The following TNKS variants were observed in gnomAD, a reference collection of about 807,000 sequenced individuals.
The protein encoded by TNKS is tankyrase, also known as poly [ADP-ribose] polymerase tankyrase-1.
TNKS carries 72 observed loss-of-function variants against 135.8 expected under a neutral mutation model. The ratio of observed to expected loss-of-function variants is 0.53; its 90% CI spans 0.44 to 0.64. The LOEUF (loss-of-function observed/expected upper bound fraction) is 0.64, where lower values mean the gene tolerates loss of function less well. TNKS is among the 30% of genes least tolerant of loss of function. TNKS has a pLI of 0.00. For synonymous variants in TNKS, 849 were observed against 649.3 expected (o/e 1.31, Z -4.68); for missense variants, 1,769 against 1,674.0 (o/e 1.06, Z -0.99).
intron 3 of TNKS, among the ~76,000 whole-genome samples, chr8:9,622,416 C>G (rs11784181): frequency 6.6e-6 from 1 of 152,032 alleles, no homozygotes; most frequent in East Asian, 1.9e-4. Context: ...TTCAAGGGCG[C>G]TGAATCCTCA....
chr8:9,772,444 G>C, intron 26 of TNKS: 1 of 453,642 alleles, frequency 2.2e-6, no homozygotes, highest in Non-Finnish European at 4.4e-6. Flanking sequence ...TCAAAATGAG[G>C]AATGTTTTAC....
Position 9,776,811 on chromosome 8 carries a change from C to T in TNKS, c.*75C>T, listed in dbSNP as rs1808247006. On this transcript the variant is annotated 3_prime_UTR_variant, in exon 27 of 27. Transcript: ENST00000310430. ...TACAGAGGATTGTTTCTAATAACAACATCAATATTCTAGAAGTCCCTGACA... is the reference window on the plus strand; with the variant it reads ...TACAGAGGATTGTTTCTAATAACAATATCAATATTCTAGAAGTCCCTGACA... The T allele has an allele frequency of 1.4e-6, 2 of 1,401,092 alleles. No homozygotes were observed. The highest frequency in any genetic ancestry group is 2.3e-5 in the East Asian group (1 of 43,572). 86.8% of individuals were successfully genotyped at this position (1,401,092 alleles called of 1,614,324 possible).
In TNKS at chr8:9,676,127, C is replaced by G. The variant is rs575984457; in HGVS notation, c.995-3824C>G. On this transcript the variant is annotated intron_variant, in intron 3 of 26. Transcript: ENST00000310430. ...TCCCGGATTCAAGAGATTCTCCTGCCTCAGCCTCCTGAGTAGCTGGAATTA... is the reference window on the plus strand; with the variant it reads ...TCCCGGATTCAAGAGATTCTCCTGCGTCAGCCTCCTGAGTAGCTGGAATTA... Among the ~76,000 whole-genome samples the G allele has an allele frequency of 2.0e-5, 3 of 151,910 alleles. No individual in the cohort carries two copies. In the East Asian group the frequency reaches 5.8e-4, roughly 29 times the overall value.
Position 9,765,202 on chromosome 8 carries a change from C to G in TNKS, c.3447+412C>G, listed in dbSNP as rs576554739. Among the ~76,000 whole-genome samples, 3 of 152,184 alleles carry G rather than the reference C, an allele frequency of 2.0e-5. No homozygotes were observed. The East Asian group carries it at 5.8e-4, about 29-fold the overall frequency. ...CATATATTTCTTAATCTCGGTATCT[C>G]AATTTATAATATGGAACAGATGACT... is the stretch of plus-strand genomic sequence containing the variant. On this transcript the variant is annotated intron_variant, in intron 23 of 26. Transcript: ENST00000310430.
At chr8:9,752,991 A>G (rs1806631433) in intron 20 of TNKS, among the ~76,000 whole-genome samples, 1 of 151,470 alleles carries the variant, frequency 6.6e-6, no homozygotes, top group Non-Finnish European at 1.5e-5. Flanking sequence ...AGAAAGACTT[A>G]TTAATTGCCA....
At chr8:9,566,415 G>A (rs948054854) in intron 1 of TNKS, 5 of 152,008 alleles carry the variant, frequency 3.3e-5, no homozygotes, top group Admixed American at 6.6e-5. Flanking sequence ...GTTAATTTAT[G>A]AAAGCAGATA....
chr8:9,627,548 C>CTTGCTTGT (rs1184418084), intron 3 of TNKS, among the ~76,000 whole-genome samples: 4 of 118,184 alleles, frequency 3.4e-5, no homozygotes, highest in Non-Finnish European at 6.9e-5. Flanking sequence ...AAATTGCTTG[C>CTTGCTTGT]TTGCTTGCTT....
chr8:9,752,981 A>AT (rs1013901143), intron 20 of TNKS, among the ~76,000 whole-genome samples: 4 of 151,524 alleles, frequency 2.6e-5, no homozygotes, highest in African/African-American at 9.7e-5. Context: ...AAAAAAAAAA[A>AT]GAAAGACTTA....
rs763441303 is a variant in TNKS at position 9,726,625 on chromosome 8, C to T, written c.1922-16C>T. The T allele has an allele frequency of 6.0e-5, 96 of 1,589,112 alleles. No homozygotes were observed. The highest frequency in any genetic ancestry group is 7.6e-5 in the Non-Finnish European group (89 of 1,165,574). On this transcript the variant is annotated splice_polypyrimidine_tract_variant and intron_variant, in intron 12 of 26. Coordinates refer to ENST00000310430, the MANE Select transcript of TNKS (RefSeq NM_003747.3). ...GTTTGGATATATATATGAGTTCTTT[C>T]CTTCCTTTTATGCAGAGAGTACACC...
At position 9,591,538 on chromosome 8, in the gene TNKS, G is replaced by A. The variant is rs899343376; in HGVS notation, c.898+11155G>A. On this transcript the variant is annotated intron_variant, in intron 2 of 26. Coordinates refer to ENST00000310430, the MANE Select transcript of TNKS (RefSeq NM_003747.3). ...CTGAGCATGTTGAGAATATTTTTAT[G>A]TACAGTGGTCATTCATGTATATTTT... Among the ~76,000 whole-genome samples, 10 of 152,276 alleles carry A rather than the reference G, an allele frequency of 6.6e-5. 1 individual carries two copies. Among genetic ancestry groups the A allele is most frequent in the African/African-American group, 2.4e-4 (10 of 41,572 alleles).
chr8:9,606,255 A>G (rs1311161018), intron 2 of TNKS, among the ~76,000 whole-genome samples: 1 of 151,152 alleles, frequency 6.6e-6, no homozygotes, highest in Non-Finnish European at 1.5e-5. Context: ...CCTTTGTTGA[A>G]AAGTCAGTTG....
At chr8:9,679,920 G>T (rs1325668044) in intron 3 of TNKS, 31 bp from the exon 4 acceptor site, 1 of 1,594,580 alleles carries the variant, frequency 6.3e-7, no homozygotes, top group African/African-American at 1.3e-5. Flanking sequence ...TCTGCCAAAT[G>T]CTAACAGCAT....
At position 9,712,349 on chromosome 8, in the gene TNKS, G is replaced by A. The variant is rs1419028604; in HGVS notation, c.1749+2129G>A. ...TTAAAAATTAGCCAGTCGTGGTGGT[G>A]TGCACCTATAGTCCTAGCGACTCGG... On this transcript the variant is annotated intron_variant, in intron 11 of 26. Transcript: ENST00000310430. Among the ~76,000 whole-genome samples, 59 of 151,836 alleles carry A rather than the reference G, an allele frequency of 3.9e-4. 1 individual carries two copies. The highest frequency in any genetic ancestry group is 7.4e-5 in the Non-Finnish European group (5 of 67,942).
intron 3 of TNKS, among the ~76,000 whole-genome samples, chr8:9,637,886 G>C (rs1215721275): frequency 6.6e-6 from 1 of 152,142 alleles, no homozygotes; most frequent in African/African-American, 2.4e-5. Context: ...CCAAAAGTTT[G>C]TGATTTTATT....
At chr8:9,771,351 G>A in intron 26 of TNKS, among the ~76,000 whole-genome samples, 1 of 103,326 alleles carries the variant, frequency 9.7e-6, no homozygotes, top group Non-Finnish European at 2.1e-5. Context: ...AGGGAAGCAG[G>A]GAGGGAGAGA....
At chr8:9,647,840 A>G (rs898697030) in intron 3 of TNKS, among the ~76,000 whole-genome samples, 4 of 152,210 alleles carry the variant, frequency 2.6e-5, no homozygotes, top group African/African-American at 7.2e-5. Flanking sequence ...TTGTGTGAAC[A>G]TCATAGAATA....
Position 9,556,460 on chromosome 8 carries a change from C to T in TNKS, c.521C>T (p.Thr174Ile). ...PLGPGAAGPGTGVPAVSGALR... is the reference protein window; with the variant it reads ...PLGPGAAGPGIGVPAVSGALR... ...GGGCCTGGGGCAGCAGGACCTGGGA[C>T]AGGGGTCCCAGCAGTGAGCGGGGCC... Residue 174 changes from threonine (T) to isoleucine (I), a missense_variant, in exon 1 of 27, where the codon ACA becomes ATA. Physicochemically the swap from Thr to Ile is moderately conservative, Grantham distance 89 (BLOSUM62 -1). This residue lies in a region of TNKS where 450 missense variants were observed against 304.9 expected (regional missense o/e 1.48). Coordinates refer to ENST00000310430, the MANE Select transcript of TNKS (RefSeq NM_003747.3). 1 of 1,614,120 alleles carries T rather than the reference C, an allele frequency of 6.2e-7. No homozygotes were observed. Among genetic ancestry groups the T allele is most frequent in the Non-Finnish European group, 8.5e-7 (1 of 1,180,032 alleles).
intron 9 of TNKS, 148 bp from the exon 10 acceptor site, chr8:9,709,807 G>A (rs970228741): frequency 2.4e-5 from 15 of 638,146 alleles, no homozygotes; most frequent in Admixed American, 6.0e-5. Context: ...GAAAGAATAT[G>A]GATCATCTCT....
chr8:9,772,900 G>A (rs959395004), intron 26 of TNKS, among the ~76,000 whole-genome samples: 50 of 146,596 alleles, frequency 3.4e-4, no homozygotes, highest in Non-Finnish European at 9.0e-5. Flanking sequence ...AGTATACAGG[G>A]ATAGGGAAGG....
Sources: allele counts gnomAD v4.1 joint callset (sites outside exome capture counted in the v4.1 genomes callset), GRCh38; gene constraint gnomAD v4.1.1; regional missense constraint gnomAD v4.1.1; transcripts MANE v1.5; gene names NCBI Gene and HGNC (gene_info 2026-07-23, HGNC 2026-07-21).